Variants in ZDHHC15 observed in about 807,000 individuals in gnomAD.
The protein encoded by ZDHHC15 is palmitoyltransferase ZDHHC15.
In ZDHHC15, 19 loss-of-function variants were observed where a neutral mutation model predicts 31.7. The observed-to-expected ratio is 0.60, with a 90% CI of 0.42 to 0.88. ZDHHC15 has a LOEUF of 0.88. ZDHHC15 is among the 40% of genes least tolerant of loss of function. ZDHHC15 has a pLI of 0.00. For synonymous variants in ZDHHC15, 103 were observed against 90.0 expected (o/e 1.14, Z -0.82); for missense variants, 209 against 251.2 (o/e 0.83, Z 1.14).
chrX:75,373,926 G>GTTTTATTT (rs761440416), intron 11 of ZDHHC15, among the ~76,000 whole-genome samples: 1 of 50,456 alleles, frequency 2.0e-5, no homozygotes, highest in Non-Finnish European at 3.4e-5. Flanking sequence ...CATTCTTTCT[G>GTTTTATTT]TTTTTTTTTT....
intron 8 of ZDHHC15, among the ~76,000 whole-genome samples, chrX:75,422,820 T>C (rs1249753378): frequency 2.7e-5 from 3 of 110,094 alleles, no homozygotes; most frequent in African/African-American, 6.6e-5. Context: ...TTATTATTAT[T>C]ATACTTTAAG....
intron 4 of ZDHHC15, among the ~76,000 whole-genome samples, chrX:75,432,215 T>C (rs1026411726): frequency 1.7e-4 from 19 of 111,648 alleles, no homozygotes; most frequent in Admixed American, 5.7e-4. Flanking sequence ...TTCCTTCCTT[T>C]CTTCCTTCCT....
chrX:75,501,326 C>T (rs755236741), intron 2 of ZDHHC15, among the ~76,000 whole-genome samples: 4 of 108,615 alleles, frequency 3.7e-5, no homozygotes, highest in African/African-American at 6.5e-5. Context: ...GGTGTGTATG[C>T]ACCACATTTG....
chrX:75,503,486 G>A (rs1012302389), intron 2 of ZDHHC15, among the ~76,000 whole-genome samples: 24 of 110,816 alleles, frequency 2.2e-4, no homozygotes, highest in African/African-American at 7.5e-4. Flanking sequence ...TATTTATCAT[G>A]TGTCAGGCAC....
chrX:75,408,862 A>G (rs2083449775), intron 10 of ZDHHC15, among the ~76,000 whole-genome samples: 1 of 112,606 alleles, frequency 8.9e-6, no homozygotes, highest in Non-Finnish European at 1.9e-5. Flanking sequence ...TACAAAGTAT[A>G]TAAAATACCT....
intron 4 of ZDHHC15, among the ~76,000 whole-genome samples, chrX:75,438,244 C>T (rs1392164276): frequency 1.8e-5 from 2 of 111,702 alleles, no homozygotes; most frequent in Non-Finnish European, 3.8e-5. Context: ...TGGCCTGTCT[C>T]GTGCTGTCAG....
chrX:75,465,593 G>T (rs1379956857), intron 3 of ZDHHC15, among the ~76,000 whole-genome samples: 1 of 111,495 alleles, frequency 9.0e-6, no homozygotes, highest in African/African-American at 3.3e-5. Context: ...ATGGGCAGAA[G>T]AACAGACACA....
At chrX:75,379,841 A>G (rs774378404) in intron 10 of ZDHHC15, among the ~76,000 whole-genome samples, 8 of 111,882 alleles carry the variant, frequency 7.2e-5, no homozygotes, top group African/African-American at 2.6e-4. Flanking sequence ...AGTGTCTTTT[A>G]TGTGCCATTC....
chrX:75,521,071 T>C (rs1331708009), intron 1 of ZDHHC15, among the ~76,000 whole-genome samples: 1 of 110,545 alleles, frequency 9.0e-6, no homozygotes, highest in Non-Finnish European at 1.9e-5. Context: ...ATCCTTACCA[T>C]CATTTTTAAG....
chrX:75,483,081 G>GTATA lies in ZDHHC15; in HGVS notation c.164-4100_164-4097dup, dbSNP rs4019298. 7.7e-4 allele frequency among the ~76,000 whole-genome samples: 75 copies of GTATA among 97,421 alleles called. 1 individual carries two copies. Among genetic ancestry groups the GTATA allele is most frequent in the South Asian group, 6.4e-3 (14 of 2,191 alleles). 84.6% of individuals were successfully genotyped at this position (97,421 alleles called of 115,157 possible). A position where few individuals can be genotyped will look rare whatever the true frequency, so the allele number is the denominator to read the frequency against. ...CATATGTGTATATATATGTGTATGT[G>GTATA]TATATATATATATATATATATGATT... On this transcript the variant is annotated intron_variant, in intron 2 of 11. Transcript: ENST00000373367.
chrX:75,440,182 T>C (rs1162724217), intron 4 of ZDHHC15, among the ~76,000 whole-genome samples: 1 of 112,283 alleles, frequency 8.9e-6, no homozygotes, highest in African/African-American at 3.2e-5. Flanking sequence ...GTGGACAAAC[T>C]CAGGACCTCT....
At position 75,381,403 on chromosome X, in the gene ZDHHC15, T is replaced by C. The variant is rs953258626; in HGVS notation, c.968-2205A>G. Among the ~76,000 whole-genome samples the C allele has an allele frequency of 1.5e-4, 17 of 111,676 alleles. 1 individual carries two copies. The Admixed American group carries it at 1.6e-3, about 11-fold the overall frequency. ...AGATCTCTCTAGTTAGTGGGACTAT[T>C]TCCAGATACTTAAAATGTCTCTTGG... On this transcript the variant is annotated intron_variant, in intron 10 of 11. Coordinates refer to ENST00000373367, the MANE Select transcript of ZDHHC15 (RefSeq NM_144969.3).
chrX:75,446,939 C>A (rs1006560267), intron 4 of ZDHHC15, among the ~76,000 whole-genome samples: 2 of 111,955 alleles, frequency 1.8e-5, no homozygotes, highest in Non-Finnish European at 3.8e-5. Context: ...AATAGCACTA[C>A]AGCAGAGAAG....
intron 3 of ZDHHC15, among the ~76,000 whole-genome samples, chrX:75,472,992 C>A (rs893889564): frequency 8.9e-6 from 1 of 112,232 alleles, no homozygotes; most frequent in Non-Finnish European, 1.9e-5. Flanking sequence ...ACTCCGAATA[C>A]AGGTTTACCT....
intron 5 of ZDHHC15, 91 bp downstream of exon 5, chrX:75,431,360 G>A: frequency 2.4e-6 from 2 of 849,385 alleles, no homozygotes; most frequent in Non-Finnish European, 3.3e-6. Context: ...CTCTTATCTA[G>A]GTATGATTAC....
chrX:75,500,657 C>T lies in ZDHHC15; in HGVS notation c.163+5164G>A, dbSNP rs776247333. Among the ~76,000 whole-genome samples, 22 of 109,692 alleles carry T rather than the reference C, an allele frequency of 2.0e-4. No homozygotes were observed. In the South Asian group the frequency reaches 8.4e-3, roughly 42 times the overall value. The stretch of plus-strand genomic sequence containing the variant: ...ATAAATATTTTTGTAACAAAAATAT[C>T]TATATTTAAATGTCTTTTAGGAGTG... On this transcript the variant is annotated intron_variant, in intron 2 of 11. Coordinates refer to ENST00000373367, the MANE Select transcript of ZDHHC15 (RefSeq NM_144969.3).
intron 3 of ZDHHC15, among the ~76,000 whole-genome samples, chrX:75,465,748 C>T (rs1394045045): frequency 9.0e-6 from 1 of 111,384 alleles, no homozygotes; most frequent in Non-Finnish European, 1.9e-5. Flanking sequence ...TAGCCATATG[C>T]AGAAAATTGT....
chrX:75,522,552 G>A (rs1340996519), intron 1 of ZDHHC15, among the ~76,000 whole-genome samples: 7 of 111,192 alleles, frequency 6.3e-5, no homozygotes, highest in African/African-American at 2.0e-4. Context: ...TCCTCAACTT[G>A]GTACAGTAGG....
intron 3 of ZDHHC15, among the ~76,000 whole-genome samples, chrX:75,458,770 C>T (rs2084264312): frequency 9.1e-6 from 1 of 109,468 alleles, no homozygotes. Flanking sequence ...CTGTTTTTCC[C>T]AACCAAAGGT....
Sources: allele counts gnomAD v4.1 joint callset (sites outside exome capture counted in the v4.1 genomes callset), GRCh38; gene constraint gnomAD v4.1.1; transcripts MANE v1.5; gene names NCBI Gene and HGNC (gene_info 2026-07-23, HGNC 2026-07-21).